UGGT2: variants seen among roughly 807,000 people sequenced by gnomAD.
The protein encoded by UGGT2 is UDP-glucose:glycoprotein glucosyltransferase 2.
A neutral mutation model predicts 192.1 loss-of-function variants in UGGT2; 180 were observed. The observed-to-expected ratio is 0.94, with a 90% CI of 0.83 to 1.06. The LOEUF is 1.06. Among genes scored for constraint, UGGT2 ranks in the 50% least tolerant of loss-of-function variants. The probability of loss-of-function intolerance (pLI) is 0.00; values close to 1 mark genes in which losing one functional copy is unlikely to be tolerated. For missense variants in UGGT2, 1,849 were observed against 1,795.7 expected, an observed-to-expected ratio of 1.03 and a Z score of -0.54; for synonymous variants, 580 against 591.0, an observed-to-expected ratio of 0.98 and a Z score of 0.27.
intron 15 of UGGT2, among the ~76,000 whole-genome samples, chr13:95,941,784 TAAAC>T (rs1384690337): frequency 1.3e-5 from 2 of 152,108 alleles, no homozygotes; most frequent in African/African-American, 2.4e-5. Flanking sequence ...AATAACAAAA[TAAAC>T]AATTCTTATG....
intron 10 of UGGT2, 134 bp downstream of exon 10, chr13:95,983,670 G>T: frequency 1.4e-6 from 1 of 724,340 alleles, no homozygotes; most frequent in African/African-American, 1.8e-5. Flanking sequence ...TATAAAAATA[G>T]AAGAACCCAG....
At chr13:96,023,191 T>C (rs2139119316) in intron 3 of UGGT2, 39 bp from the exon 4 acceptor site, 1 of 1,494,108 alleles carries the variant, frequency 6.7e-7, no homozygotes, top group East Asian at 2.4e-5. Context: ...CAGCAGTTGA[T>C]AATTACAATA....
intron 38 of UGGT2, among the ~76,000 whole-genome samples, chr13:95,826,025 C>G (rs548149915): frequency 5.3e-5 from 8 of 151,266 alleles, no homozygotes; most frequent in African/African-American, 1.9e-4. Context: ...AAAAATGATT[C>G]GATATTAGGA....
At chr13:95,862,493 G>T (rs1044420846) in intron 31 of UGGT2, among the ~76,000 whole-genome samples, 1 of 152,080 alleles carries the variant, frequency 6.6e-6, no homozygotes, top group African/African-American at 2.4e-5. Flanking sequence ...TATTTTGGGG[G>T]GAATCATTCC....
rs897554297 is a variant in UGGT2 at position 95,824,074 on chromosome 13, C to A, written c.4528+8853G>T. ...TATTCATTTTGCTGGATACAAAATT[C>A]TTGACTAACAGTTATTCTGTTTAAG... is the stretch of plus-strand genomic sequence containing the variant. On this transcript the variant is annotated intron_variant, in intron 38 of 38. Transcript: ENST00000376747. 6.6e-5 allele frequency among the ~76,000 whole-genome samples: 10 copies of A among 152,144 alleles called. No homozygotes were observed. The South Asian group carries it at 2.1e-3, about 32-fold the overall frequency.
chr13:95,868,597 C>CACAAAACAAA (rs143644747), intron 29 of UGGT2, among the ~76,000 whole-genome samples: 10 of 151,914 alleles, frequency 6.6e-5, no homozygotes, highest in African/African-American at 1.7e-4. Flanking sequence ...GAGACCCTGT[C>CACAAAACAAA]ACAAAACAAA....
Position 96,023,090 on chromosome 13 carries a change from G to T in UGGT2, c.435C>A (p.His145Gln). ...CNAFVVIHKKHTCKINEIKKL... is the reference protein window; with the variant it reads ...CNAFVVIHKKQTCKINEIKKL... ...TTTTAATCTCATTAATTTTACAGGT[G>T]TGCTTCTTATGAATAACCACAAATG... Residue 145 changes from histidine to glutamine, a missense_variant, in exon 4 of 39, where the codon CAC becomes CAA. By Grantham distance (24) the His-to-Gln change is conservative. Coordinates refer to ENST00000376747, the MANE Select transcript of UGGT2 (RefSeq NM_020121.4). The T allele has an allele frequency of 1.3e-6, 2 of 1,594,812 alleles. No homozygotes were observed. The highest frequency in any genetic ancestry group is 2.3e-5 in the South Asian group (2 of 87,466).
At chr13:95,865,332 A>C (rs1890555077) in intron 30 of UGGT2, among the ~76,000 whole-genome samples, 1 of 152,116 alleles carries the variant, frequency 6.6e-6, no homozygotes, top group Non-Finnish European at 1.5e-5. Context: ...TTAGGAGATA[A>C]AACTGTGTTA....
At position 95,877,702 on chromosome 13, in the gene UGGT2, T is replaced by C. The variant is rs760425614; in HGVS notation, c.3383A>G (p.His1128Arg). The C allele has an allele frequency of 1.9e-6, 3 of 1,611,566 alleles. No homozygotes were observed. Among genetic ancestry groups the C allele is most frequent in the Non-Finnish European group, 2.5e-6 (3 of 1,179,090 alleles). ...CATCAATTAAATAATACTTACATGA[T>C]GTGCCATCACTATTGTATCAACCAC... is the stretch of plus-strand genomic sequence containing the variant. ...PAVVDTIVMA[H>R]HGYFQLKANP... is the part of the protein sequence containing the mutation. The change falls in exon 28 of 39, where the codon CAT (histidine) becomes CGT (arginine). Residue 1128 changes from histidine to arginine, a missense_variant. Transcript: ENST00000376747.
chr13:96,025,817 AAAT>A (rs2052646925), intron 2 of UGGT2, among the ~76,000 whole-genome samples: 1 of 152,216 alleles, frequency 6.6e-6, no homozygotes, highest in Non-Finnish European at 1.5e-5. Context: ...ACTAGAAAGA[AAAT>A]AATACTAGAA....
chr13:95,848,262 T>C (rs1202578145), intron 36 of UGGT2, among the ~76,000 whole-genome samples: 1 of 152,204 alleles, frequency 6.6e-6, no homozygotes, highest in Admixed American at 6.5e-5. Flanking sequence ...TTTCTTTCTC[T>C]TGTTATTGTC....
intron 15 of UGGT2, among the ~76,000 whole-genome samples, chr13:95,943,481 A>AC (rs2049760498): frequency 6.6e-6 from 1 of 151,898 alleles, no homozygotes; most frequent in Non-Finnish European, 1.5e-5. Flanking sequence ...TACAGAAAGT[A>AC]CTCTCATGAG....
At chr13:95,944,038 G>T (rs2049782445) in intron 15 of UGGT2, among the ~76,000 whole-genome samples, 1 of 151,802 alleles carries the variant, frequency 6.6e-6, no homozygotes, top group Non-Finnish European at 1.5e-5. Context: ...TTAACATGGT[G>T]AATTATATTT....
At chr13:95,980,264 A>C (rs1054509826) in intron 10 of UGGT2, among the ~76,000 whole-genome samples, 1 of 152,230 alleles carries the variant, frequency 6.6e-6, no homozygotes, top group South Asian at 2.1e-4. Context: ...ATACCACGGA[A>C]TACTACTCAG....
chr13:95,940,198 T>C (rs2049620343), intron 15 of UGGT2, 107 bp from the exon 16 acceptor site: 5 of 759,302 alleles, frequency 6.6e-6, no homozygotes, highest in Non-Finnish European at 9.8e-6. Context: ...CAAAATATAC[T>C]AACTACACAT....
At chr13:95,830,042 T>C (rs112786561) in intron 38 of UGGT2, among the ~76,000 whole-genome samples, 1 of 152,206 alleles carries the variant, frequency 6.6e-6, no homozygotes, top group Non-Finnish European at 1.5e-5. Context: ...GGATTCCTTA[T>C]TTAATAAATG....
chr13:95,952,783 T>C (rs1333640130), intron 12 of UGGT2, among the ~76,000 whole-genome samples: 1 of 152,158 alleles, frequency 6.6e-6, no homozygotes, highest in African/African-American at 2.4e-5. Context: ...CACCCTAAAA[T>C]TGTATTATTG....
At chr13:95,837,311 T>C (rs547977161) in intron 36 of UGGT2, 109 bp from the exon 37 acceptor site, 23 of 751,016 alleles carry the variant, frequency 3.1e-5, no homozygotes, top group African/African-American at 8.8e-5. Flanking sequence ...ATAAAACATA[T>C]GCAAATCTGA....
chr13:96,051,894 T>C (rs150771549), intron 1 of UGGT2, among the ~76,000 whole-genome samples: 1,949 of 152,270 alleles, frequency 0.013, 39 homozygotes, highest in African/African-American at 0.045. Flanking sequence ...TGTAAACTAG[T>C]ATAACCACTA....
Sources: allele counts gnomAD v4.1 joint callset (sites outside exome capture counted in the v4.1 genomes callset), GRCh38; gene constraint gnomAD v4.1.1; transcripts MANE v1.5; gene names NCBI Gene and HGNC (gene_info 2026-07-23, HGNC 2026-07-21).